The following TMC1 variants were observed in gnomAD, a reference collection of about 807,000 sequenced individuals.
The protein encoded by TMC1 is transmembrane channel like 1.
In TMC1, 84 loss-of-function variants were observed where a neutral mutation model predicts 105.8. The observed-to-expected ratio is 0.79, with a 90% CI of 0.67 to 0.95. The LOEUF (loss-of-function observed/expected upper bound fraction) is 0.95, where lower values mean the gene tolerates loss of function less well. Ranked by LOEUF, TMC1 falls within the 40% of genes least tolerant of loss-of-function variation. The pLI, the probability that TMC1 is intolerant of heterozygous loss-of-function variation, is 0.00. For missense variants in TMC1, 817 were observed against 914.1 expected, an observed-to-expected ratio of 0.89 and a Z score of 1.37; for synonymous variants, 315 against 311.5, an observed-to-expected ratio of 1.01 and a Z score of -0.12.
chr9:72,730,300 A>G (rs1315072902), intron 8 of TMC1, among the ~76,000 whole-genome samples: 1 of 152,080 alleles, frequency 6.6e-6, no homozygotes, highest in East Asian at 1.9e-4. Flanking sequence ...TCTGAATTCT[A>G]TGGCTGGTTT....
At chr9:72,539,352 T>C (rs1423885017) in intron 1 of TMC1, among the ~76,000 whole-genome samples, 1 of 152,012 alleles carries the variant, frequency 6.6e-6, no homozygotes, top group Non-Finnish European at 1.5e-5. Context: ...GTTTCAATGA[T>C]CCTAGATCGT....
chr9:72,628,548 G>A (rs1260072203), intron 4 of TMC1, among the ~76,000 whole-genome samples: 7 of 152,150 alleles, frequency 4.6e-5, no homozygotes, highest in African/African-American at 1.2e-4. Context: ...AGTTTAAATC[G>A]ATTTTCAACA....
intron 13 of TMC1, among the ~76,000 whole-genome samples, chr9:72,785,100 T>C (rs1281197572): frequency 1.3e-5 from 2 of 151,984 alleles, no homozygotes; most frequent in African/African-American, 4.8e-5. Flanking sequence ...AAATAAAAAT[T>C]AGAAAGAAAA....
At chr9:72,592,206 G>A (rs1824651401) in intron 2 of TMC1, among the ~76,000 whole-genome samples, 1 of 152,138 alleles carries the variant, frequency 6.6e-6, no homozygotes, top group East Asian at 1.9e-4. Context: ...ACATTCAGGA[G>A]ACAGCCCTAC....
chr9:72,542,832 A>G (rs1297899039), intron 1 of TMC1, among the ~76,000 whole-genome samples: 1 of 151,844 alleles, frequency 6.6e-6, no homozygotes, highest in Non-Finnish European at 1.5e-5. Flanking sequence ...GGTGCCTGCC[A>G]CCGCGCCCAG....
chr9:72,681,693 CCTT>C (rs988527973), intron 5 of TMC1, among the ~76,000 whole-genome samples: 44 of 152,084 alleles, frequency 2.9e-4, no homozygotes, highest in African/African-American at 1.1e-3. Context: ...CCTTTCCCCT[CCTT>C]CTTACGTATA....
intron 17 of TMC1, among the ~76,000 whole-genome samples, chr9:72,796,366 C>T (rs1184259057): frequency 6.6e-6 from 1 of 152,172 alleles, no homozygotes; most frequent in Non-Finnish European, 1.5e-5. Context: ...CTTCCCAGCT[C>T]ATCCTATGAG....
At chr9:72,729,488 T>C (rs1219532161) in intron 8 of TMC1, among the ~76,000 whole-genome samples, 7 of 152,192 alleles carry the variant, frequency 4.6e-5, no homozygotes, top group Admixed American at 4.6e-4. Flanking sequence ...TGAAAAGTAG[T>C]TATTTACCAA....
At chr9:72,612,888 A>C (rs1825056344) in intron 2 of TMC1, among the ~76,000 whole-genome samples, 1 of 152,140 alleles carries the variant, frequency 6.6e-6, no homozygotes. Flanking sequence ...CAGCCCCCAC[A>C]ACAAAAATTA....
chr9:72,572,135 C>T (rs1824298064), intron 1 of TMC1, among the ~76,000 whole-genome samples: 1 of 152,058 alleles, frequency 6.6e-6, no homozygotes, highest in Non-Finnish European at 1.5e-5. Context: ...TGTGCTTGGC[C>T]AATTATTTAC....
chr9:72,818,963 A>G (rs1828830423), intron 19 of TMC1, among the ~76,000 whole-genome samples: 1 of 152,244 alleles, frequency 6.6e-6, no homozygotes, highest in Non-Finnish European at 1.5e-5. Flanking sequence ...AACAATGTGC[A>G]CGTATATAGG....
chr9:72,725,361 ATATATATG>A (rs1289612189), intron 8 of TMC1, among the ~76,000 whole-genome samples: 5 of 83,146 alleles, frequency 6.0e-5, no homozygotes, highest in African/African-American at 2.6e-4. Context: ...ATATATATAT[ATATATATG>A]TATATACACA....
At chr9:72,711,654 G>C (rs1173460266) in intron 8 of TMC1, among the ~76,000 whole-genome samples, 2 of 152,140 alleles carry the variant, frequency 1.3e-5, no homozygotes, top group African/African-American at 4.8e-5. Context: ...GTTCTTTGTA[G>C]ATTCTGGATA....
At chr9:72,594,613 G>T (rs1288524033) in intron 2 of TMC1, among the ~76,000 whole-genome samples, 1 of 152,154 alleles carries the variant, frequency 6.6e-6, no homozygotes, top group Non-Finnish European at 1.5e-5. Flanking sequence ...TAATGGGAAA[G>T]AAATCAGACT....
In TMC1 at chr9:72,722,826, C is replaced by T. The variant is rs150877225; in HGVS notation, c.363-17293C>T. Reference sequence around the variant, plus strand: ...CTGATCTATAGTGCTTGCCAATTTCCGTGGTGTAAATACTTCCACTATAGC... The same window carrying T: ...CTGATCTATAGTGCTTGCCAATTTCTGTGGTGTAAATACTTCCACTATAGC... On this transcript the variant is annotated intron_variant, in intron 8 of 23. Coordinates refer to ENST00000297784, the MANE Select transcript of TMC1 (RefSeq NM_138691.3). 1.2e-3 allele frequency among the ~76,000 whole-genome samples: 188 copies of T among 152,174 alleles called. 1 individual carries two copies. The highest frequency in any genetic ancestry group is 4.3e-3 in the African/African-American group (180 of 41,514).
chr9:72,798,923 AAG>A (rs1828420293), intron 17 of TMC1, among the ~76,000 whole-genome samples: 2 of 152,234 alleles, frequency 1.3e-5, no homozygotes, highest in South Asian at 4.1e-4. Flanking sequence ...TTTCCCTTAA[AAG>A]AAAAAAAATA....
At chr9:72,831,443 A>AT (rs1462422828) in intron 23 of TMC1, among the ~76,000 whole-genome samples, 1 of 151,518 alleles carries the variant, frequency 6.6e-6, no homozygotes, top group Non-Finnish European at 1.5e-5. Context: ...ATATATATAT[A>AT]TTTTTTAATT....
At chr9:72,548,566 T>TA (rs778291472) in intron 1 of TMC1, among the ~76,000 whole-genome samples, 3,466 of 132,074 alleles carry the variant, frequency 0.026, 102 homozygotes, top group African/African-American at 0.073. Flanking sequence ...GACTCTGTCT[T>TA]AAAAAAAAAA....
intron 13 of TMC1, among the ~76,000 whole-genome samples, chr9:72,785,512 C>T (rs888953787): frequency 6.6e-6 from 1 of 152,194 alleles, no homozygotes; most frequent in African/African-American, 2.4e-5. Context: ...CACTTTAAGT[C>T]TTATCTGTGG....
Sources: gnomAD v4.1 joint callset for allele counts (sites outside exome capture counted in the v4.1 genomes callset) on GRCh38, gnomAD v4.1.1 for gene constraint, MANE v1.5 for transcripts, NCBI Gene and HGNC (gene_info 2026-07-23, HGNC 2026-07-21) for gene names.